Variants in UPRT observed in about 807,000 individuals in gnomAD.
UPRT encodes RP11-311P8.3.
Under a neutral mutation model 22.6 loss-of-function variants are expected in UPRT, and 5 were observed. That is an observed-to-expected ratio of 0.22 (90% CI 0.12 to 0.47). The LOEUF is 0.47. UPRT is among the 20% of genes least tolerant of loss of function. UPRT has a pLI of 0.99. For missense variants in UPRT, 181 were observed against 239.9 expected (o/e 0.75, Z 1.62); for synonymous variants, 77 against 87.7 (o/e 0.88, Z 0.68).
In UPRT at chrX:75,274,410, C is replaced by T. The variant is rs748491798; in HGVS notation, c.156C>T (p.Leu52=). ...NRASRAKVIL[L]TGYAHSSLPA... ...CCTCCAGGGCCAAGGTGATTCTCCT[C>T]ACGGGGTACGCCCATTCTAGCCTGC... Residue 52 remains leucine (L), a synonymous_variant, in exon 1 of 7, where the codon CTC becomes CTT. Transcript: ENST00000373383. The T allele has an allele frequency of 1.2e-5, 15 of 1,209,598 alleles. No homozygotes were observed. In the African/African-American group the frequency reaches 2.6e-4, roughly 21 times the overall value.
chrX:75,263,842 C>G (rs2147671846), intron 4 of UPRT, among the ~76,000 whole-genome samples: 1 of 110,845 alleles, frequency 9.0e-6, no homozygotes, highest in East Asian at 2.8e-4. Flanking sequence ...CCTGCTTTCG[C>G]TTGTGGGCAT....
At chrX:75,195,449 G>A (rs1028432668) in intron 4 of UPRT, among the ~76,000 whole-genome samples, 22 of 111,706 alleles carry the variant, frequency 2.0e-4, no homozygotes, top group African/African-American at 6.5e-4. Flanking sequence ...GCAATGTAAG[G>A]TTTGGGGGGT....
chrX:75,242,325 A>T (rs1041934987), intron 4 of UPRT, among the ~76,000 whole-genome samples: 2 of 110,923 alleles, frequency 1.8e-5, no homozygotes, highest in African/African-American at 6.5e-5. Context: ...GGATTCTGGG[A>T]GCTTAGTGCA....
chrX:75,164,399 C>T (rs746686587), intron 3 of UPRT, among the ~76,000 whole-genome samples: 9 of 111,361 alleles, frequency 8.1e-5, no homozygotes, highest in Non-Finnish European at 1.5e-4. Flanking sequence ...TTATCAGAAA[C>T]TCTGTAATAA....
At chrX:75,217,318 G>A (rs2082396086) in intron 4 of UPRT, among the ~76,000 whole-genome samples, 1 of 111,503 alleles carries the variant, frequency 9.0e-6, no homozygotes, top group Non-Finnish European at 1.9e-5. Context: ...GAACTTTAAA[G>A]TAGTTTTTTC....
At chrX:75,292,743 A>G (rs181770154) in intron 1 of UPRT, among the ~76,000 whole-genome samples, 2 of 111,333 alleles carry the variant, frequency 1.8e-5, no homozygotes, top group East Asian at 5.7e-4. Flanking sequence ...TTATGTGCAG[A>G]AATAACATCA....
At chrX:75,258,373 C>T (rs2082556420) in intron 4 of UPRT, among the ~76,000 whole-genome samples, 1 of 110,206 alleles carries the variant, frequency 9.1e-6, no homozygotes, top group Non-Finnish European at 1.9e-5. Context: ...GATCCACTGG[C>T]TTGAAATTCT....
Position 75,274,166 on chromosome X carries a change from C to T in UPRT, c.-89C>T. ...GATGTTCTGAGGAGGCGGGAGCAAC[C>T]GAGAGAGCACGTGAGCATCTGTCCT... On this transcript the variant is annotated 5_prime_UTR_variant, in exon 1 of 7. Coordinates refer to ENST00000373383, the MANE Select transcript of UPRT (RefSeq NM_145052.4). The T allele has an allele frequency of 2.7e-6, 3 of 1,124,034 alleles. No homozygotes were observed. The East Asian group carries it at 9.1e-5, about 34-fold the overall frequency. The allele number at this position is 1,124,034 out of a possible 1,213,427, so 92.6% of individuals were successfully genotyped here. A position where few individuals can be genotyped will look rare whatever the true frequency, so the allele number is the denominator to read the frequency against.
chrX:75,242,082 A>C lies in UPRT; in HGVS notation c.-446-48942A>C, dbSNP rs190446251. ...AAAAAGGAATGAAATAATAATAATA[A>C]AAAGCACAACAACAACATAAAAGAA... On this transcript the variant is annotated intron_variant, in intron 4 of 13. Coordinates refer to the UPRT transcript ENST00000652605. 5.3e-4 allele frequency among the ~76,000 whole-genome samples: 59 copies of C among 111,147 alleles called. No individual in the cohort carries two copies. The East Asian group carries it at 0.012, about 22-fold the overall frequency.
At chrX:75,220,816 A>G (rs1018769680) in intron 4 of UPRT, among the ~76,000 whole-genome samples, 1 of 111,726 alleles carries the variant, frequency 9.0e-6, no homozygotes, top group Non-Finnish European at 1.9e-5. Flanking sequence ...TGATCTGTTC[A>G]TCTTTTAGTC....
intron 4 of UPRT, among the ~76,000 whole-genome samples, chrX:75,239,229 AAAGG>A (rs1013224888): frequency 1.8e-5 from 2 of 111,848 alleles, no homozygotes; most frequent in African/African-American, 6.5e-5. Flanking sequence ...AACCAGAAAA[AAAGG>A]AAGAAGACCC....
intron 4 of UPRT, among the ~76,000 whole-genome samples, chrX:75,168,745 T>G (rs2082219206): frequency 9.0e-6 from 1 of 111,128 alleles, no homozygotes; most frequent in Non-Finnish European, 1.9e-5. Flanking sequence ...GTCAGGCTGG[T>G]TTTGAACTAC....
chrX:75,286,523 T>G (rs962310028), intron 1 of UPRT, among the ~76,000 whole-genome samples: 1 of 111,786 alleles, frequency 8.9e-6, no homozygotes, highest in African/African-American at 3.3e-5. Context: ...AGTCACAAGA[T>G]TTTGCTTTAG....
chrX:75,204,538 G>GT (rs1354202363), intron 4 of UPRT, among the ~76,000 whole-genome samples: 2 of 112,110 alleles, frequency 1.8e-5, no homozygotes, highest in Non-Finnish European at 3.8e-5. Flanking sequence ...CAACTTTTTT[G>GT]TTTTTCTAGG....
intron 4 of UPRT, among the ~76,000 whole-genome samples, chrX:75,197,376 A>G (rs1018569441): frequency 8.0e-5 from 9 of 112,090 alleles, no homozygotes; most frequent in Admixed American, 7.6e-4. Flanking sequence ...ACAAGACAAC[A>G]TGAATAAAAG....
At chrX:75,259,325 C>T (rs1355551934) in intron 4 of UPRT, among the ~76,000 whole-genome samples, 2 of 109,780 alleles carry the variant, frequency 1.8e-5, no homozygotes, top group African/African-American at 3.3e-5. Flanking sequence ...CAAACTCCTC[C>T]GAGCTAAAGG....
At chrX:75,283,830 A>G (rs1057191116) in intron 1 of UPRT, among the ~76,000 whole-genome samples, 1 of 111,171 alleles carries the variant, frequency 9.0e-6, no homozygotes, top group African/African-American at 3.3e-5. Context: ...TCATATTTGG[A>G]TGTCTATGTC....
chrX:75,162,861 T>A (rs2082203937), intron 2 of UPRT, among the ~76,000 whole-genome samples: 1 of 111,776 alleles, frequency 8.9e-6, no homozygotes, highest in South Asian at 3.8e-4. Flanking sequence ...TAGTACTGAA[T>A]GGTATGATGG....
At chrX:75,303,330 A>G in intron 6 of UPRT, 75 bp from the exon 7 acceptor site, 2 of 760,706 alleles carry the variant, frequency 2.6e-6, no homozygotes, top group Non-Finnish European at 4.0e-6. Context: ...ACCTAGTGGC[A>G]ATAACTACAA....
Sources: allele counts gnomAD v4.1 joint callset (sites outside exome capture counted in the v4.1 genomes callset), GRCh38; gene constraint gnomAD v4.1.1; transcripts MANE v1.5; gene names NCBI Gene and HGNC (gene_info 2026-07-23, HGNC 2026-07-21).